GPC4: variants seen among roughly 807,000 people sequenced by gnomAD.
The protein encoded by GPC4 is glypican-4.
GPC4 carries 10 observed loss-of-function variants against 35.0 expected under a neutral mutation model. The ratio of observed to expected loss-of-function variants is 0.29; its 90% CI spans 0.18 to 0.48. GPC4 has a LOEUF of 0.48. Ranked by LOEUF, GPC4 falls within the 20% of genes least tolerant of loss-of-function variation. The probability of loss-of-function intolerance (pLI) is 0.99; values close to 1 mark genes in which losing one functional copy is unlikely to be tolerated. For missense variants in GPC4, 322 were observed against 451.3 expected, an observed-to-expected ratio of 0.71 and a Z score of 2.60; for synonymous variants, 167 against 170.2, an observed-to-expected ratio of 0.98 and a Z score of 0.15.
At chrX:133,338,319 A>G (rs1047404311) in intron 2 of GPC4, among the ~76,000 whole-genome samples, 9 of 111,962 alleles carry the variant, frequency 8.0e-5, no homozygotes, top group African/African-American at 2.9e-4. Context: ...GTACTATGTA[A>G]TTAGAATGGC....
chrX:133,347,701 G>A (rs2068499765), intron 1 of GPC4, among the ~76,000 whole-genome samples: 1 of 111,471 alleles, frequency 9.0e-6, no homozygotes, highest in Non-Finnish European at 1.9e-5. Context: ...TAACTCCAGG[G>A]AGGTGGGGGG....
At chrX:133,371,202 G>C (rs1339886834) in intron 1 of GPC4, among the ~76,000 whole-genome samples, 2 of 112,160 alleles carry the variant, frequency 1.8e-5, no homozygotes. Context: ...TGGAAACTAT[G>C]GCAAAGTTTT....
chrX:133,392,911 G>A (rs1029836441), intron 1 of GPC4, among the ~76,000 whole-genome samples: 1 of 110,136 alleles, frequency 9.1e-6, no homozygotes, highest in African/African-American at 3.4e-5. Flanking sequence ...TAAAAGATGA[G>A]GCAGACAATT....
At chrX:133,385,829 G>A (rs752620336) in intron 1 of GPC4, among the ~76,000 whole-genome samples, 1 of 110,662 alleles carries the variant, frequency 9.0e-6, no homozygotes, top group South Asian at 3.9e-4. Context: ...ATTTGTGGGT[G>A]TATTATACAT....
chrX:133,360,516 G>A (rs939103223), intron 1 of GPC4, among the ~76,000 whole-genome samples: 1 of 109,452 alleles, frequency 9.1e-6, no homozygotes, highest in African/African-American at 3.4e-5. Flanking sequence ...ACTAAGCAAG[G>A]GAAGCCTTGG....
intron 1 of GPC4, among the ~76,000 whole-genome samples, chrX:133,375,364 T>C (rs186068157): frequency 2.7e-5 from 3 of 111,895 alleles, no homozygotes; most frequent in African/African-American, 9.7e-5. Flanking sequence ...CACTAATGGG[T>C]AGCTTATGAA....
At chrX:133,327,448 A>T (rs12847575) in intron 2 of GPC4, among the ~76,000 whole-genome samples, 1,698 of 111,803 alleles carry the variant, frequency 0.015, 24 homozygotes, top group Non-Finnish European at 0.024. Context: ...GTAAAATATT[A>T]TCAATCTTGG....
chrX:133,331,714 T>C (rs1168745432), intron 2 of GPC4, among the ~76,000 whole-genome samples: 5 of 107,719 alleles, frequency 4.6e-5, no homozygotes, highest in Admixed American at 9.9e-5. Context: ...TGAGCCAAGA[T>C]TGAGCCACTG....
chrX:133,333,668 A>C (rs2266801), intron 2 of GPC4, among the ~76,000 whole-genome samples: 47,652 of 111,773 alleles, frequency 0.43, 9,335 homozygotes, highest in African/African-American at 0.78. Context: ...CAGTGCTTTC[A>C]AACTAAATCG....
intron 3 of GPC4, among the ~76,000 whole-genome samples, chrX:133,322,403 C>A (rs1448415429): frequency 1.9e-5 from 2 of 104,512 alleles, no homozygotes; most frequent in Non-Finnish European, 3.9e-5. Context: ...GAGATCTCGC[C>A]ACTGCACTCA....
At chrX:133,344,191 G>GTTTTTTTTTTTTTTTTTTTTTT (rs747976050) in intron 1 of GPC4, among the ~76,000 whole-genome samples, 3 of 38,889 alleles carry the variant, frequency 7.7e-5, no homozygotes, top group Admixed American at 4.7e-4. Flanking sequence ...TTTCTTTCTG[G>GTTTTTTTTTTTTTTTTTTTTTT]TTTTTTTTTT....
At chrX:133,341,643 T>C (rs1281547094) in intron 1 of GPC4, among the ~76,000 whole-genome samples, 4 of 111,070 alleles carry the variant, frequency 3.6e-5, no homozygotes, top group African/African-American at 1.3e-4. Flanking sequence ...CACAGAAAAG[T>C]ACCCATCATT....
intron 2 of GPC4, among the ~76,000 whole-genome samples, chrX:133,326,038 T>G (rs1328705992): frequency 1.8e-5 from 2 of 110,294 alleles, no homozygotes; most frequent in Non-Finnish European, 3.8e-5. Context: ...TTTTTTTCTT[T>G]GCTTCTCTCC....
intron 1 of GPC4, among the ~76,000 whole-genome samples, chrX:133,382,412 G>A (rs1432488938): frequency 2.4e-4 from 14 of 58,104 alleles, no homozygotes; most frequent in Admixed American, 1.7e-3. Context: ...TGTGACAGAG[G>A]AGACTCCGTC....
chrX:133,360,035 T>TG (rs941111945), intron 1 of GPC4, among the ~76,000 whole-genome samples: 103 of 109,125 alleles, frequency 9.4e-4, no homozygotes, highest in East Asian at 9.3e-3. Context: ...AGGCCTATGC[T>TG]GGGGGGGGAG....
intron 1 of GPC4, among the ~76,000 whole-genome samples, chrX:133,360,395 A>T (rs952566706): frequency 1.3e-4 from 14 of 111,710 alleles, no homozygotes; most frequent in African/African-American, 4.6e-4. Flanking sequence ...GAGAGGCTTT[A>T]AAATGGTTGT....
At chrX:133,338,910 T>C (rs1332545518) in intron 2 of GPC4, among the ~76,000 whole-genome samples, 2 of 111,498 alleles carry the variant, frequency 1.8e-5, no homozygotes, top group Non-Finnish European at 3.8e-5. Context: ...ACAACACTAT[T>C]CTGTGTTCAC....
At chrX:133,392,163 G>T (rs1340484975) in intron 1 of GPC4, among the ~76,000 whole-genome samples, 1 of 107,948 alleles carries the variant, frequency 9.3e-6, no homozygotes, top group Non-Finnish European at 1.9e-5. Flanking sequence ...AACCCGGGAG[G>T]CAAAGGCTGC....
At chrX:133,353,111 TA>T (rs1015109318) in intron 1 of GPC4, among the ~76,000 whole-genome samples, 1 of 111,694 alleles carries the variant, frequency 9.0e-6, no homozygotes, top group Non-Finnish European at 1.9e-5. Context: ...CAGATAACCC[TA>T]ACCATACCAG....
Sources: allele counts gnomAD v4.1 joint callset (sites outside exome capture counted in the v4.1 genomes callset), GRCh38; gene constraint gnomAD v4.1.1; transcripts MANE v1.5; gene names NCBI Gene and HGNC (gene_info 2026-07-23, HGNC 2026-07-21).